The following CFAP69 variants were observed in gnomAD, a reference collection of about 807,000 sequenced individuals.
CFAP69 encodes cilia- and flagella-associated protein 69.
A neutral mutation model predicts 123.0 loss-of-function variants in CFAP69; 92 were observed. That is an observed-to-expected ratio of 0.75 (90% confidence interval 0.63 to 0.89). The LOEUF (loss-of-function observed/expected upper bound fraction) is 0.89, where lower values mean the gene tolerates loss of function less well. Among genes scored for constraint, CFAP69 ranks in the 40% least tolerant of loss-of-function variants. CFAP69 has a pLI of 0.00. For missense variants in CFAP69, 1,067 were observed against 1,096.9 expected, an observed-to-expected ratio of 0.97 and a Z score of 0.39; for synonymous variants, 380 against 364.3, an observed-to-expected ratio of 1.04 and a Z score of -0.49.
intron 5 of CFAP69, 79 bp downstream of exon 5, chr7:90,265,456 A>C (rs1799024318): frequency 1.1e-6 from 1 of 922,504 alleles, no homozygotes; most frequent in Admixed American, 2.1e-5. Context: ...ATTTTCCCCA[A>C]GTTTCACTAA....
intron 15 of CFAP69, among the ~76,000 whole-genome samples, chr7:90,294,669 A>C (rs1377695196): frequency 2.0e-5 from 3 of 152,216 alleles, no homozygotes; most frequent in African/African-American, 7.2e-5. Context: ...TTTGTAACTG[A>C]CCAGTTTGCT....
rs1330576140 is a variant in CFAP69, at chr7:90,310,983, G to C, written c.*745G>C. On this transcript the variant is annotated 3_prime_UTR_variant, in exon 23 of 23. Transcript: ENST00000389297. ...TTCTCTGCTATAAAAGCAAATGTTAGTCATGAGCCAAATGGTAAAAAAGAA... is the reference window on the plus strand; with the variant it reads ...TTCTCTGCTATAAAAGCAAATGTTACTCATGAGCCAAATGGTAAAAAAGAA... 6.6e-6 allele frequency: 1 copy of C among 151,910 alleles called. No homozygotes were observed. Among genetic ancestry groups the C allele is most frequent in the Non-Finnish European group, 1.5e-5 (1 of 67,986 alleles). 9.4% of individuals were successfully genotyped at this position (151,910 alleles called of 1,614,324 possible). A position where few individuals can be genotyped will look rare whatever the true frequency, so the allele number is the denominator to read the frequency against.
rs1231847275 is a variant in CFAP69 at position 90,264,103 on chromosome 7, AAATATATATATATATATAT to A, written c.357-1196_357-1178del. Among the ~76,000 whole-genome samples the A allele has an allele frequency of 3.9e-3, 128 of 32,702 alleles. 11 individuals carry two copies. Among genetic ancestry groups the A allele is most frequent in the African/African-American group, 0.01 (100 of 9,574 alleles). The allele number at this position is 32,702 out of a possible 152,430, so 21.5% of individuals were successfully genotyped here. A position where few individuals can be genotyped will look rare whatever the true frequency, so the allele number is the denominator to read the frequency against. On this transcript the variant is annotated intron_variant, in intron 4 of 22. Transcript: ENST00000389297. ...AAGACTCCATCTCGAAAAAAAAAAA[AAATATATATATATATATAT>A]ATATATATATATATATATATATATA...
At chr7:90,274,161 G>C in intron 9 of CFAP69, 51 bp downstream of exon 9, 1 of 1,572,660 alleles carries the variant, frequency 6.4e-7, no homozygotes, top group Non-Finnish European at 8.6e-7. Flanking sequence ...TGGTGGGCTT[G>C]GGTGAAAGAA....
At chr7:90,315,482 C>T (rs1794718012), downstream of CFAP69, among the ~76,000 whole-genome samples, 1 of 152,022 alleles carries the variant, frequency 6.6e-6, no homozygotes, top group African/African-American at 2.4e-5. Context: ...GGCCATTATC[C>T]CTAGCAAACC....
chr7:90,302,228 G>C (rs973291040), intron 17 of CFAP69: 1 of 152,114 alleles, frequency 6.6e-6, no homozygotes, highest in Admixed American at 6.5e-5. Context: ...TTAGACCTCT[G>C]TCAGATGCAT....
chr7:90,304,228 T>C, intron 18 of CFAP69, 122 bp downstream of exon 18: 1 of 1,394,716 alleles, frequency 7.2e-7, no homozygotes, highest in Non-Finnish European at 9.3e-7. Flanking sequence ...AAATTCATTT[T>C]CCATTGTTAC....
At chr7:90,272,526 A>G (rs985041272) in intron 8 of CFAP69, among the ~76,000 whole-genome samples, 1 of 152,224 alleles carries the variant, frequency 6.6e-6, no homozygotes, top group Non-Finnish European at 1.5e-5. Context: ...AAGATGCTAC[A>G]TGTTCTTCAG....
At chr7:90,305,666 A>G (rs1432457730) in intron 19 of CFAP69, among the ~76,000 whole-genome samples, 2 of 151,860 alleles carry the variant, frequency 1.3e-5, no homozygotes, top group African/African-American at 4.8e-5. Context: ...CAGCCTGACC[A>G]TACAGTTTCT....
In CFAP69 at chr7:90,277,241, A is replaced by G; in HGVS notation, c.1062A>G (p.Gly354=). 1 of 1,591,496 alleles carries G rather than the reference A, an allele frequency of 6.3e-7. No homozygotes were observed. Among genetic ancestry groups the G allele is most frequent in the South Asian group, 1.2e-5 (1 of 86,360 alleles). ...EVKSQNLLVK[G]LKLSNSYEDF... is the part of the protein sequence containing the mutation. ...AAAGTCAAAATCTTTTGGTAAAAGG[A>G]CTTAAGCTTTCTAATTCCTATGAAG... The change falls in exon 11 of 23, where the codon GGA becomes GGG. Residue 354 remains glycine (G), a synonymous_variant. Transcript: ENST00000389297.
the CFAP69 span, chr7:90,318,081 C>G: frequency 6.6e-6 from 1 of 152,178 alleles, no homozygotes; most frequent in Non-Finnish European, 1.5e-5. Context: ...AATTTATAGG[C>G]ACCCTTTATC....
At chr7:90,290,085 C>T (rs533746103) in intron 15 of CFAP69, among the ~76,000 whole-genome samples, 1 of 152,246 alleles carries the variant, frequency 6.6e-6, no homozygotes, top group Admixed American at 6.5e-5. Context: ...TTAGCTTTTG[C>T]TGACCCCTTG....
the CFAP69 span, chr7:90,321,221 G>C: frequency 6.6e-6 from 1 of 152,268 alleles, no homozygotes; most frequent in Non-Finnish European, 1.5e-5. Context: ...GGTGCGCTTC[G>C]GCGCTGGGAG....
chr7:90,263,333 T>G (rs1328884535), intron 4 of CFAP69, among the ~76,000 whole-genome samples: 2 of 152,214 alleles, frequency 1.3e-5, no homozygotes, highest in Non-Finnish European at 2.9e-5. Flanking sequence ...CTTGTTTCTC[T>G]TTTCAAGACA....
intron 18 of CFAP69, chr7:90,304,530 G>C: frequency 7.6e-7 from 1 of 1,322,164 alleles, no homozygotes; most frequent in Non-Finnish European, 9.6e-7. Flanking sequence ...TATATTGGAT[G>C]ACCTGGCAGA....
At chr7:90,305,087 A>G (rs1488140595) in intron 19 of CFAP69, among the ~76,000 whole-genome samples, 1 of 152,130 alleles carries the variant, frequency 6.6e-6, no homozygotes, top group Non-Finnish European at 1.5e-5. Flanking sequence ...TCACGCCTGT[A>G]ATCCCAGCAC....
chr7:90,254,488 C>CA (rs1481365765), intron 1 of CFAP69, among the ~76,000 whole-genome samples: 1 of 151,968 alleles, frequency 6.6e-6, no homozygotes, highest in East Asian at 1.9e-4. Flanking sequence ...TGCCTGAAAG[C>CA]AAAAAAATTT....
the CFAP69 span, chr7:90,319,582 A>G: frequency 2.5e-6 from 1 of 398,614 alleles, no homozygotes; most frequent in African/African-American, 2.1e-5. Flanking sequence ...GAGATCTATC[A>G]ATGTCAAAGA....
At chr7:90,313,954 C>T (rs142084456), downstream of CFAP69, among the ~76,000 whole-genome samples, 5 of 152,290 alleles carry the variant, frequency 3.3e-5, no homozygotes, top group African/African-American at 1.2e-4. Context: ...TGGCAAGTCA[C>T]GTCAATGACA....
Sources: allele counts gnomAD v4.1 joint callset (sites outside exome capture counted in the v4.1 genomes callset), GRCh38; gene constraint gnomAD v4.1.1; transcripts MANE v1.5; gene names NCBI Gene and HGNC (gene_info 2026-07-23, HGNC 2026-07-21).